The following SRSF5 variants were observed in gnomAD, a reference collection of about 807,000 sequenced individuals.
SRSF5 encodes serine and arginine rich splicing factor 5, also known as serine/arginine-rich splicing factor 5.
In SRSF5, 5 loss-of-function variants were observed where a neutral mutation model predicts 34.0. That is an observed-to-expected ratio of 0.15 (90% confidence interval 0.08 to 0.31). SRSF5 has a LOEUF of 0.31. SRSF5 is among the 10% of genes least tolerant of loss of function. SRSF5 has a pLI of 1.00. For missense variants in SRSF5, 223 were observed against 351.4 expected (o/e 0.63, Z 2.92); for synonymous variants, 164 against 117.7 (o/e 1.39, Z -2.55).
Position 69,771,176 on chromosome 14 carries a change from T to C in SRSF5, c.552-18T>C. 1 of 1,613,854 alleles carries C rather than the reference T, an allele frequency of 6.2e-7. No homozygotes were observed. The highest frequency in any genetic ancestry group is 1.7e-5 in the Admixed American group (1 of 59,976). ...TTGTAGAGTCTTATCTAGGCTGATTTCTTTTCATTTTTCATAGTAGGTCAA... is the reference window on the plus strand; with the variant it reads ...TTGTAGAGTCTTATCTAGGCTGATTCCTTTTCATTTTTCATAGTAGGTCAA... On this transcript the variant is annotated intron_variant, in intron 7 of 7. Transcript: ENST00000557154.
chr14:69,769,750 T>C, intron 5 of SRSF5: 2 of 1,377,074 alleles, frequency 1.5e-6, no homozygotes, highest in Non-Finnish European at 9.3e-7. Context: ...AGACCTGTCT[T>C]CCTGTAACGC....
At position 69,768,606 on chromosome 14, in the gene SRSF5, A is replaced by G; in HGVS notation, c.129A>G (p.Glu43=). 6.2e-7 allele frequency: 1 copy of G among 1,614,158 alleles called. No individual in the cohort carries two copies. The highest frequency in any genetic ancestry group is 8.5e-7 in the Non-Finnish European group (1 of 1,179,990). Residue 43 remains glutamate (E), a splice_region_variant and synonymous_variant, in exon 3 of 8, where the codon GAA becomes GAG. Transcript: ENST00000557154. ...IDLKRGFGFV[E]FEDPRDADDA... is the part of the protein sequence containing the mutation. ...AGAGTCTTATGCTTACATTTTAGGA[A>G]TTTGAGGATCCAAGGGATGCAGATG... is the stretch of plus-strand genomic sequence containing the variant.
intron 6 of SRSF5, 69 bp from the exon 7 acceptor site, chr14:69,770,926 A>T: frequency 7.4e-7 from 1 of 1,344,762 alleles, no homozygotes; most frequent in Non-Finnish European, 1.0e-6. Flanking sequence ...CGACTTACCT[A>T]GACTGCTGTG....
chr14:69,768,589 A>ATG lies in SRSF5; in HGVS notation c.127-14_127-13dup. 3 of 1,613,200 alleles carry ATG rather than the reference A, an allele frequency of 1.9e-6. No individual in the cohort carries two copies. The highest frequency in any genetic ancestry group is 2.5e-6 in the Non-Finnish European group (3 of 1,179,106). On this transcript the variant is annotated splice_polypyrimidine_tract_variant and intron_variant, in intron 2 of 7. Coordinates refer to ENST00000557154, the MANE Select transcript of SRSF5 (RefSeq NM_001320214.2). ...TTCTAAAGCCAATGTTAAGAGTCTTATGCTTACATTTTAGGAATTTGAGGA... is the reference window on the plus strand; with the variant it reads ...TTCTAAAGCCAATGTTAAGAGTCTTATGTGCTTACATTTTAGGAATTTGAGGA...
chr14:69,768,655 A>G lies in SRSF5; in HGVS notation c.178A>G (p.Lys60Glu). 2.5e-6 allele frequency: 4 copies of G among 1,614,230 alleles called. No homozygotes were observed. The highest frequency in any genetic ancestry group is 3.4e-6 in the Non-Finnish European group (4 of 1,180,030). The change falls in exon 3 of 8, where the codon AAA (lysine) becomes GAA (glutamate). Residue 60 changes from lysine (K) to glutamate (E), a missense_variant. Transcript: ENST00000557154. ...ADDAVYELDGKELCSERVTIE... is the reference protein window; with the variant it reads ...ADDAVYELDGEELCSERVTIE... ...TGATGCTGTGTATGAGCTTGATGGA[A>G]AAGAACTCTGTAGTGAAAGGTGAGA...
chr14:69,768,453 C>A, intron 2 of SRSF5, 151 bp from the exon 3 acceptor site: 1 of 1,202,394 alleles, frequency 8.3e-7, no homozygotes, highest in Non-Finnish European at 1.2e-6. Flanking sequence ...CTCACTGGAA[C>A]CCCACTCCCA....
intron 1 of SRSF5, chr14:69,767,595 C>A (rs1376166407): frequency 8.8e-6 from 4 of 454,382 alleles, no homozygotes; most frequent in Middle Eastern, 3.4e-4. Context: ...GCCGCAGTGA[C>A]CCCCGAGAAG....
rs534949899 is a variant in SRSF5 at position 69,767,180 on chromosome 14, C to T, written c.-95C>T. 7 of 354,458 alleles carry T rather than the reference C, an allele frequency of 2.0e-5. No individual in the cohort carries two copies. The East Asian group carries it at 3.0e-4, about 15-fold the overall frequency. 22.0% of individuals were successfully genotyped at this position (354,458 alleles called of 1,614,324 possible). Reference sequence around the variant, plus strand: ...TGGCGTAGACGAGTTAAGTCCTGGTCTGCGTGGAGGTCGACGACTCCGTCG... The same window carrying T: ...TGGCGTAGACGAGTTAAGTCCTGGTTTGCGTGGAGGTCGACGACTCCGTCG... On this transcript the variant is annotated 5_prime_UTR_variant, in exon 1 of 8. Transcript: ENST00000557154.
At chr14:69,768,429 C>CT (rs940782152) in intron 2 of SRSF5, 147 bp downstream of exon 2, 12 of 1,331,964 alleles carry the variant, frequency 9.0e-6, no homozygotes, top group Non-Finnish European at 9.4e-6. Context: ...CTGAAAACAA[C>CT]TTTAACTTGC....
rs772463484 is a variant in SRSF5, at chr14:69,770,995, G to T, written c.441G>T (p.Gly147=). ...ADAHRPKLNE[G]VVEFASYGDL... ...TAAAAGTGGCTGTTTTCCATTTTAG[G>T]GTGGTTGAGTTTGCCTCTTATGGTG... The change falls in exon 7 of 8, where the codon GGG becomes GGT. Residue 147 remains glycine, a splice_region_variant and synonymous_variant. Transcript: ENST00000557154. 2.5e-6 allele frequency: 4 copies of T among 1,611,576 alleles called. No homozygotes were observed. The highest frequency in any genetic ancestry group is 2.5e-6 in the Non-Finnish European group (3 of 1,179,352).
chr14:69,770,624 T>A, intron 6 of SRSF5, 84 bp downstream of exon 6: 1 of 1,231,500 alleles, frequency 8.1e-7, no homozygotes, highest in Non-Finnish European at 1.2e-6. Flanking sequence ...AAAATTTGAA[T>A]ATGTTAGAAT....
chr14:69,767,360 A>C (rs1311757579), intron 1 of SRSF5, 105 bp downstream of exon 1: 3 of 455,344 alleles, frequency 6.6e-6, no homozygotes, highest in South Asian at 1.5e-5. Flanking sequence ...GATGGCGTCT[A>C]ATGAGCGCAG....
intron 4 of SRSF5, 47 bp from the exon 5 acceptor site, chr14:69,769,135 G>A: frequency 6.2e-7 from 1 of 1,604,898 alleles, no homozygotes; most frequent in Non-Finnish European, 8.5e-7. Context: ...GAACACAAGT[G>A]CTGTCATTGC....
intron 5 of SRSF5, chr14:69,770,113 A>G: frequency 1.9e-6 from 2 of 1,035,510 alleles, no homozygotes; most frequent in Non-Finnish European, 2.3e-6. Flanking sequence ...CTGTTTTTTT[A>G]AATAAAACTT....
rs1359140003 is a variant in SRSF5 at position 69,767,211 on chromosome 14, T to C, written c.-64T>C. The C allele has an allele frequency of 2.7e-6, 1 of 365,320 alleles. No individual in the cohort carries two copies. The highest frequency in any genetic ancestry group is 2.1e-5 in the South Asian group (1 of 48,156). 22.6% of individuals were successfully genotyped at this position (365,320 alleles called of 1,614,324 possible). On this transcript the variant is annotated 5_prime_UTR_variant, in exon 1 of 8. Coordinates refer to ENST00000557154, the MANE Select transcript of SRSF5 (RefSeq NM_001320214.2). ...GGAGGTCGACGACTCCGTCGCAGAC[T>C]ACGGACCTGTCTGGGTCTCAGCCGC...
chr14:69,769,023 A>G, intron 4 of SRSF5, 127 bp downstream of exon 4: 1 of 1,295,432 alleles, frequency 7.7e-7, no homozygotes, highest in Non-Finnish European at 1.1e-6. Context: ...CACGTTAGCC[A>G]GTTGTTCTTG....
chr14:69,771,572 G>A lies in SRSF5; in HGVS notation c.*111G>A. On this transcript the variant is annotated 3_prime_UTR_variant, in exon 8 of 8. Coordinates refer to ENST00000557154, the MANE Select transcript of SRSF5 (RefSeq NM_001320214.2). Reference sequence around the variant, plus strand: ...AAGTATGTGCTTTTCTGTGGGGGTGGGATTTGGAAGGGGGGTTGGGTTGGG... The same window carrying A: ...AAGTATGTGCTTTTCTGTGGGGGTGAGATTTGGAAGGGGGGTTGGGTTGGG... 8.2e-7 allele frequency: 1 copy of A among 1,214,082 alleles called. No homozygotes were observed. Among genetic ancestry groups the A allele is most frequent in the Non-Finnish European group, 1.1e-6 (1 of 893,394 alleles). The allele number at this position is 1,214,082 out of a possible 1,614,324, so 75.2% of individuals were successfully genotyped here. A position where few individuals can be genotyped will look rare whatever the true frequency, so the allele number is the denominator to read the frequency against.
At chr14:69,767,572 C>G (rs748183686) in intron 1 of SRSF5, 2 of 455,634 alleles carry the variant, frequency 4.4e-6, no homozygotes, top group East Asian at 7.0e-5. Flanking sequence ...GCGGCTGGGC[C>G]TTTTGTAGGG....
chr14:69,768,135 T>G lies in SRSF5; in HGVS notation c.-19-3T>G, dbSNP rs1882762879. The stretch of plus-strand genomic sequence containing the variant: ...TTATCTCGATTGAATTACTTTCTAA[T>G]AGGAAGTACTAGCCGGACATCATGA... On this transcript the variant is annotated splice_polypyrimidine_tract_variant and splice_region_variant and intron_variant, in intron 1 of 7. Coordinates refer to ENST00000557154, the MANE Select transcript of SRSF5 (RefSeq NM_001320214.2). 1 of 1,614,036 alleles carries G rather than the reference T, an allele frequency of 6.2e-7. No individual in the cohort carries two copies. The highest frequency in any genetic ancestry group is 8.5e-7 in the Non-Finnish European group (1 of 1,179,948).
Sources: allele counts gnomAD v4.1 joint callset, GRCh38; gene constraint gnomAD v4.1.1; transcripts MANE v1.5; gene names NCBI Gene and HGNC (gene_info 2026-07-23, HGNC 2026-07-21).